The following ING5 variants were observed in gnomAD, a reference collection of about 807,000 sequenced individuals.
ING5 encodes the protein inhibitor of growth protein 5.
In ING5, 17 loss-of-function variants were observed where a neutral mutation model predicts 37.4. That is an observed-to-expected ratio of 0.45 (90% CI 0.31 to 0.68). ING5 has a LOEUF of 0.68. ING5 is among the 30% of genes least tolerant of loss of function. The pLI, the probability that ING5 is intolerant of heterozygous loss-of-function variation, is 0.05. For missense variants in ING5, 233 were observed against 311.9 expected (o/e 0.75, Z 1.91); for synonymous variants, 123 against 116.6 (o/e 1.06, Z -0.36).
At chr2:241,714,012 C>A (rs1409229675) in intron 5 of ING5, among the ~76,000 whole-genome samples, 1 of 151,156 alleles carries the variant, frequency 6.6e-6, no homozygotes, top group African/African-American at 2.4e-5. Context: ...AAAATCCCAA[C>A]ATTCTCGTAT....
At chr2:241,704,189 C>T (rs147177779) in intron 1 of ING5, among the ~76,000 whole-genome samples, 4 of 152,146 alleles carry the variant, frequency 2.6e-5, no homozygotes, top group Admixed American at 6.6e-5. Context: ...CTGTTTGGTA[C>T]CTGCATCTAA....
intron 5 of ING5, chr2:241,719,680 G>A (rs2070377321): frequency 2.0e-6 from 3 of 1,528,748 alleles, no homozygotes; most frequent in Admixed American, 4.0e-5. Context: ...CCAGCTCCCT[G>A]TTGGGGTCGG....
Position 241,726,316 on chromosome 2 carries a change from A to G in ING5, c.*1285A>G, listed in dbSNP as rs535204871. The G allele has an allele frequency of 5.9e-5, 9 of 152,358 alleles. No homozygotes were observed. Among genetic ancestry groups the G allele is most frequent in the African/African-American group, 2.2e-4 (9 of 41,568 alleles). 9.4% of individuals were successfully genotyped at this position (152,358 alleles called of 1,614,324 possible). On this transcript the variant is annotated 3_prime_UTR_variant, in exon 8 of 8. Coordinates refer to ENST00000313552, the MANE Select transcript of ING5 (RefSeq NM_032329.6). ...ATGGTGGGGGGCCATTTGGAATGAC[A>G]GCCTCACTTCCTTCTGATGGCTACA...
At chr2:241,713,989 CAAA>C (rs781230058) in intron 5 of ING5, among the ~76,000 whole-genome samples, 1 of 104,562 alleles carries the variant, frequency 9.6e-6, no homozygotes. Context: ...AACTCCGTCT[CAAA>C]AAAAAAAAAA....
chr2:241,687,130 G>T, exon 1 of ING5: 2 of 388,574 alleles, frequency 5.1e-6, no homozygotes, highest in Non-Finnish European at 9.1e-6. Context: ...GCGCGGACGA[G>T]GGGAGCGCAG....
intron 5 of ING5, chr2:241,722,234 G>C (rs1165767219): frequency 1.0e-6 from 1 of 985,304 alleles, no homozygotes; most frequent in Non-Finnish European, 1.2e-6. Context: ...CTTCTCTCAG[G>C]TGTCAGCCGT....
rs572970129 is a variant in ING5, at chr2:241,726,046, A to T, written c.*1015A>T. 6.5e-6 allele frequency: 1 copy of T among 152,724 alleles called. No individual in the cohort carries two copies. The highest frequency in any genetic ancestry group is 2.4e-5 in the African/African-American group (1 of 41,552). 9.5% of individuals were successfully genotyped at this position (152,724 alleles called of 1,614,324 possible). On this transcript the variant is annotated 3_prime_UTR_variant, in exon 8 of 8. Transcript: ENST00000313552. ...GCGTTCACCAAGCTGAGCCGGAGCCATCCTTTCGGTGGTAGTTGGGGAAGG... is the reference window on the plus strand; with the variant it reads ...GCGTTCACCAAGCTGAGCCGGAGCCTTCCTTTCGGTGGTAGTTGGGGAAGG...
intron 1 of ING5, among the ~76,000 whole-genome samples, chr2:241,704,337 G>A (rs2069835474): frequency 6.6e-6 from 1 of 152,182 alleles, no homozygotes; most frequent in African/African-American, 2.4e-5. Flanking sequence ...AGAGGCCGAG[G>A]TGGGCGGATC....
intron 3 of ING5, 36 bp downstream of exon 3, chr2:241,709,418 A>T: frequency 6.4e-7 from 1 of 1,569,846 alleles, no homozygotes; most frequent in Non-Finnish European, 8.7e-7. Flanking sequence ...TCTTCCTCTG[A>T]CCTCTACTCC....
intron 5 of ING5, chr2:241,719,782 G>A (rs537799170): frequency 3.5e-6 from 5 of 1,441,796 alleles, no homozygotes; most frequent in East Asian, 2.5e-5. Context: ...TGGCCTCATG[G>A]CTTTTCCTGT....
At chr2:241,689,557 A>G (rs949966090) in intron 1 of ING5, among the ~76,000 whole-genome samples, 1 of 152,180 alleles carries the variant, frequency 6.6e-6, no homozygotes, top group Non-Finnish European at 1.5e-5. Context: ...GCATGAACAC[A>G]GCATGTGCAC....
intron 1 of ING5, 101 bp from the exon 2 acceptor site, chr2:241,704,552 G>C: frequency 2.1e-6 from 2 of 943,952 alleles, no homozygotes; most frequent in Non-Finnish European, 3.4e-6. Context: ...TGGGCAACAA[G>C]AGTGAAACTC....
chr2:241,722,862 C>T (rs2070464903), intron 5 of ING5, 77 bp from the exon 6 acceptor site: 1 of 1,587,104 alleles, frequency 6.3e-7, no homozygotes, highest in Non-Finnish European at 8.6e-7. Context: ...AAGTCAGAGA[C>T]AGAAGGGCCC....
intron 5 of ING5, chr2:241,719,602 G>A: frequency 1.3e-6 from 2 of 1,536,056 alleles, no homozygotes; most frequent in Non-Finnish European, 1.7e-6. Context: ...ACCCAGTGCT[G>A]TTTCTCAAGG....
chr2:241,712,123 A>G, intron 5 of ING5, 52 bp downstream of exon 5: 1 of 1,386,222 alleles, frequency 7.2e-7, no homozygotes, highest in East Asian at 2.4e-5. Flanking sequence ...CATAGCCTGT[A>G]TCCCGGATGT....
At chr2:241,710,904 C>T (rs920660517) in intron 3 of ING5, among the ~76,000 whole-genome samples, 14 of 151,962 alleles carry the variant, frequency 9.2e-5, no homozygotes, top group Admixed American at 6.6e-5. Flanking sequence ...TGAGCCACCG[C>T]GCCTGCCCTA....
At chr2:241,708,220 T>A (rs2069985931) in intron 2 of ING5, among the ~76,000 whole-genome samples, 1 of 149,902 alleles carries the variant, frequency 6.7e-6, no homozygotes, top group Admixed American at 6.6e-5. Flanking sequence ...TTTGTTTTTT[T>A]TTTTTGAGAT....
At chr2:241,704,052 G>GA (rs2069825505) in intron 1 of ING5, among the ~76,000 whole-genome samples, 1 of 152,204 alleles carries the variant, frequency 6.6e-6, no homozygotes. Context: ...GCTGCTCACT[G>GA]AGGGGGGGCA....
At chr2:241,688,241 C>G (rs1235156034) in intron 1 of ING5, among the ~76,000 whole-genome samples, 1 of 152,192 alleles carries the variant, frequency 6.6e-6, no homozygotes, top group African/African-American at 2.4e-5. Flanking sequence ...TCTTACCTTT[C>G]GAGGCGATTA....
Sources: gnomAD v4.1 joint callset for allele counts (sites outside exome capture counted in the v4.1 genomes callset) on GRCh38, gnomAD v4.1.1 for gene constraint, MANE v1.5 for transcripts, NCBI Gene and HGNC (gene_info 2026-07-23, HGNC 2026-07-21) for gene names.